The following CAMK1D variants were observed in gnomAD, a reference collection of about 807,000 sequenced individuals.
CAMK1D encodes the protein calcium/calmodulin-dependent protein kinase type 1D.
CAMK1D carries 9 observed loss-of-function variants against 47.7 expected under a neutral mutation model. That is an observed-to-expected ratio of 0.19 (90% CI 0.11 to 0.33). The LOEUF is 0.33. CAMK1D is among the 10% of genes least tolerant of loss of function. CAMK1D has a pLI of 1.00. For synonymous variants in CAMK1D, 184 were observed against 184.9 expected (o/e 0.99, Z 0.04); for missense variants, 291 against 488.7 (o/e 0.60, Z 3.81).
chr10:12,377,955 T>G (rs1564302058), intron 1 of CAMK1D, among the ~76,000 whole-genome samples: 1 of 152,206 alleles, frequency 6.6e-6, no homozygotes, highest in African/African-American at 2.4e-5. Flanking sequence ...TCCAAAGGTA[T>G]TAGGAGCCAA....
chr10:12,631,018 C>T (rs1014158619), intron 2 of CAMK1D, among the ~76,000 whole-genome samples: 3 of 152,130 alleles, frequency 2.0e-5, no homozygotes, highest in African/African-American at 7.2e-5. Context: ...CTCAAGGGTG[C>T]AGCCTTTCCT....
Position 12,735,783 on chromosome 10 carries a change from C to CTTT in CAMK1D, c.300-25154_300-25152dup, listed in dbSNP as rs11373540. Among the ~76,000 whole-genome samples the CTTT allele has an allele frequency of 1.6e-4, 23 of 147,566 alleles. No homozygotes were observed. In the East Asian group the frequency reaches 1.6e-3, roughly 10 times the overall value. On this transcript the variant is annotated intron_variant, in intron 3 of 10. Transcript: ENST00000619168. ...AGTTATGGGGTGGCACAGTCAGCATCTTTTTTTTTTTTTAAGAAATAAGAA... is the reference window on the plus strand; with the variant it reads ...AGTTATGGGGTGGCACAGTCAGCATCTTTTTTTTTTTTTTTTAAGAAATAAGAA...
At chr10:12,699,543 A>T (rs1833429083) in intron 3 of CAMK1D, among the ~76,000 whole-genome samples, 1 of 152,030 alleles carries the variant, frequency 6.6e-6, no homozygotes, top group African/African-American at 2.4e-5. Flanking sequence ...ACTCAGCTTT[A>T]ATTTTTCAGT....
chr10:12,569,649 G>A (rs1837256777), intron 2 of CAMK1D, among the ~76,000 whole-genome samples: 1 of 146,452 alleles, frequency 6.8e-6, no homozygotes, highest in African/African-American at 2.6e-5. Context: ...AACCCGGGAG[G>A]TGGAGCTTGC....
At chr10:12,593,010 C>G (rs1342360783) in intron 2 of CAMK1D, among the ~76,000 whole-genome samples, 2 of 152,148 alleles carry the variant, frequency 1.3e-5, no homozygotes, top group African/African-American at 4.8e-5. Flanking sequence ...TCCTATTTTC[C>G]TCTTTCAGAC....
At chr10:12,760,083 A>G (rs929405142) in intron 3 of CAMK1D, among the ~76,000 whole-genome samples, 1 of 152,050 alleles carries the variant, frequency 6.6e-6, no homozygotes, top group Non-Finnish European at 1.5e-5. Flanking sequence ...TGATTTGGAG[A>G]ACACTAGTTG....
intron 3 of CAMK1D, among the ~76,000 whole-genome samples, chr10:12,725,751 A>G (rs561118592): frequency 1.3e-5 from 2 of 152,080 alleles, no homozygotes; most frequent in Non-Finnish European, 2.9e-5. Flanking sequence ...ACTACTGAAT[A>G]ATATGGTTTT....
intron 7 of CAMK1D, among the ~76,000 whole-genome samples, chr10:12,815,370 C>A (rs1470465183): frequency 6.6e-6 from 1 of 152,242 alleles, no homozygotes; most frequent in Non-Finnish European, 1.5e-5. Context: ...GTTCTAGTCT[C>A]CGTGAGCTAT....
intron 2 of CAMK1D, among the ~76,000 whole-genome samples, chr10:12,646,544 CCT>C (rs1839815370): frequency 6.6e-6 from 1 of 152,066 alleles, no homozygotes; most frequent in Non-Finnish European, 1.5e-5. Flanking sequence ...AACAGTGAGA[CCT>C]TGAGAAAATG....
intron 2 of CAMK1D, among the ~76,000 whole-genome samples, chr10:12,612,764 T>A (rs2132415519): frequency 6.6e-6 from 1 of 152,238 alleles, no homozygotes; most frequent in African/African-American, 2.4e-5. Flanking sequence ...AACCATATGT[T>A]TTTCAAAACA....
chr10:12,350,384 C>T (rs938925268), intron 1 of CAMK1D, among the ~76,000 whole-genome samples: 4 of 152,396 alleles, frequency 2.6e-5, no homozygotes, highest in African/African-American at 7.2e-5. Context: ...TTGGCATCTG[C>T]ACGTACGAGG....
chr10:12,612,123 T>C (rs60657153), intron 2 of CAMK1D, among the ~76,000 whole-genome samples: 9,914 of 152,152 alleles, frequency 0.065, 825 homozygotes, highest in African/African-American at 0.2. Flanking sequence ...GTCCTCTCTT[T>C]CTCTGGGACC....
chr10:12,506,033 G>A (rs1048713759), intron 1 of CAMK1D, among the ~76,000 whole-genome samples: 5 of 152,168 alleles, frequency 3.3e-5, no homozygotes, highest in African/African-American at 7.2e-5. Context: ...TGGCAAGTCC[G>A]TTAACTTCCT....
At chr10:12,784,208 T>C (rs1055981115) in intron 5 of CAMK1D, among the ~76,000 whole-genome samples, 2 of 151,318 alleles carry the variant, frequency 1.3e-5, no homozygotes, top group African/African-American at 4.9e-5. Context: ...ATTTTTTTTT[T>C]TTTTTTTTGA....
intron 3 of CAMK1D, among the ~76,000 whole-genome samples, chr10:12,734,205 C>G (rs1448500242): frequency 3.3e-5 from 5 of 149,254 alleles, no homozygotes; most frequent in African/African-American, 5.0e-5. Flanking sequence ...GCCTGTAGTC[C>G]CAGCTACTCA....
chr10:12,764,381 C>CAAAAAAAAAAAAAAAAAAAAA lies in CAMK1D; in HGVS notation c.438+3312_438+3313insAAAAAAAAAAAAAAAAAAAAA, dbSNP rs56657709. 2.1e-4 allele frequency among the ~76,000 whole-genome samples: 16 copies of CAAAAAAAAAAAAAAAAAAAAA among 77,966 alleles called. 1 individual carries two copies. The highest frequency in any genetic ancestry group is 7.3e-4 in the African/African-American group (15 of 20,522). 51.1% of individuals were successfully genotyped at this position (77,966 alleles called of 152,430 possible). Reference sequence around the variant, plus strand: ...GGGCAACAAGAATGACACTTTGTCTCAAAAAAAAAAAAAAAAACATTGATC... The same window carrying CAAAAAAAAAAAAAAAAAAAAA: ...GGGCAACAAGAATGACACTTTGTCTCAAAAAAAAAAAAAAAAAAAAAAAAAAAAAAAAAAAAAACATTGATC... On this transcript the variant is annotated intron_variant, in intron 4 of 10. Coordinates refer to ENST00000619168, the MANE Select transcript of CAMK1D (RefSeq NM_153498.4).
At chr10:12,809,723 A>T (rs1832520595) in intron 6 of CAMK1D, among the ~76,000 whole-genome samples, 1 of 152,246 alleles carries the variant, frequency 6.6e-6, no homozygotes, top group Admixed American at 6.5e-5. Flanking sequence ...GGTAGCTGCC[A>T]GGGACTGGAG....
chr10:12,795,781 C>T (rs1838172475), intron 6 of CAMK1D, among the ~76,000 whole-genome samples: 1 of 152,114 alleles, frequency 6.6e-6, no homozygotes, highest in Admixed American at 6.5e-5. Flanking sequence ...GTATTTTTTC[C>T]TACCAAGGAC....
intron 1 of CAMK1D, among the ~76,000 whole-genome samples, chr10:12,550,358 G>T (rs1836537843): frequency 6.6e-6 from 1 of 152,164 alleles, no homozygotes; most frequent in Admixed American, 6.5e-5. Flanking sequence ...CTCTAACATA[G>T]TTCTTGTTCT....
Sources: gnomAD v4.1 joint callset for allele counts (sites outside exome capture counted in the v4.1 genomes callset) on GRCh38, gnomAD v4.1.1 for gene constraint, MANE v1.5 for transcripts, NCBI Gene and HGNC (gene_info 2026-07-23, HGNC 2026-07-21) for gene names.